Variants in TBC1D2 observed in about 807,000 individuals in gnomAD.
TBC1D2 encodes the protein TBC1 domain family member 2A.
Under a neutral mutation model 91.1 loss-of-function variants are expected in TBC1D2, and 58 were observed. The ratio of observed to expected loss-of-function variants is 0.64; its 90% CI spans 0.52 to 0.79. The LOEUF (loss-of-function observed/expected upper bound fraction) is 0.79. TBC1D2 is among the 30% of genes least tolerant of loss of function. The pLI, the probability that TBC1D2 is intolerant of heterozygous loss-of-function variation, is 0.00. For synonymous variants in TBC1D2, 482 were observed against 511.5 expected (o/e 0.94, Z 0.78); for missense variants, 1,080 against 1,208.3 (o/e 0.89, Z 1.57).
At chr9:98,203,138 T>C in intron 10 of TBC1D2, 150 bp downstream of exon 10, 1 of 1,231,222 alleles carries the variant, frequency 8.1e-7, no homozygotes, top group Non-Finnish European at 1.1e-6. Context: ...GTTGGGCTTC[T>C]CTTCCATGCA....
intron 5 of TBC1D2, among the ~76,000 whole-genome samples, chr9:98,223,661 T>C (rs1829152527): frequency 6.6e-6 from 1 of 152,178 alleles, no homozygotes; most frequent in South Asian, 2.1e-4. Context: ...CTCTGAAGCT[T>C]ATTTCATTAC....
In TBC1D2 at chr9:98,255,570, G is replaced by A; in HGVS notation, c.-29C>T. ...TGCCAGCCGGAGACTGCGGAGGGACGAGGGGTCCGCGGGACCACCAGGGAC... is the reference window on the plus strand; with the variant it reads ...TGCCAGCCGGAGACTGCGGAGGGACAAGGGGTCCGCGGGACCACCAGGGAC... On this transcript the variant is annotated 5_prime_UTR_variant, in exon 1 of 13. Coordinates refer to ENST00000465784, the MANE Select transcript of TBC1D2 (RefSeq NM_001267571.2). 3 of 1,481,572 alleles carry A rather than the reference G, an allele frequency of 2.0e-6. No individual in the cohort carries two copies. The highest frequency in any genetic ancestry group is 2.4e-5 in the Admixed American group (1 of 40,856). 91.8% of individuals were successfully genotyped at this position (1,481,572 alleles called of 1,614,324 possible).
At chr9:98,248,450 G>A (rs934234154) in intron 2 of TBC1D2, among the ~76,000 whole-genome samples, 4 of 152,240 alleles carry the variant, frequency 2.6e-5, no homozygotes, top group Non-Finnish European at 5.9e-5. Flanking sequence ...CCCACCACCA[G>A]TGGGAAGAAG....
intron 1 of TBC1D2, among the ~76,000 whole-genome samples, chr9:98,253,557 C>G (rs1254582963): frequency 6.6e-6 from 1 of 152,204 alleles, no homozygotes; most frequent in Non-Finnish European, 1.5e-5. Flanking sequence ...CTTTGGGCCC[C>G]TCTGTTTTTC....
intron 1 of TBC1D2, among the ~76,000 whole-genome samples, chr9:98,253,102 G>A (rs1004719032): frequency 1.3e-5 from 2 of 152,112 alleles, no homozygotes; most frequent in Admixed American, 6.5e-5. Context: ...ATTTGACAAG[G>A]GTATACTGAG....
At position 98,210,747 on chromosome 9, in the gene TBC1D2, A is replaced by T; in HGVS notation, c.1582T>A (p.Cys528Ser). The T allele has an allele frequency of 6.3e-7, 1 of 1,579,276 alleles. No individual in the cohort carries two copies. The highest frequency in any genetic ancestry group is 8.6e-7 in the Non-Finnish European group (1 of 1,162,420). Residue 528 changes from cysteine to serine, a missense_variant, in exon 8 of 13, where the codon TGC becomes AGC. Transcript: ENST00000465784. ...QEALGDEASECSELLRQLVQE... is the reference protein window; with the variant it reads ...QEALGDEASESSELLRQLVQE... ...ACAAGCTGCCTCAGCAGCTCTGAGCACTCGCTGGCTTCGTCCCCCAGGGCC... is the reference window on the plus strand; with the variant it reads ...ACAAGCTGCCTCAGCAGCTCTGAGCTCTCGCTGGCTTCGTCCCCCAGGGCC...
Position 98,208,706 on chromosome 9 carries a change from C to T in TBC1D2, c.2112G>A (p.Trp704Ter), listed in dbSNP as rs1286810673. 11 of 1,541,310 alleles carry T rather than the reference C, an allele frequency of 7.1e-6. No individual in the cohort carries two copies. The highest frequency in any genetic ancestry group is 8.8e-6 in the Non-Finnish European group (10 of 1,140,574). Residue 704 changes from tryptophan to a stop codon, truncating the protein, a stop_gained, in exon 9 of 13, where the codon TGG (tryptophan) becomes TGA (stop). Transcript: ENST00000465784. LOFTEE classifies it high-confidence loss of function. ...KLRRVLLAFS[W>*]QNPTIGYCQG... is the part of the protein sequence containing the mutation. ...GGCAGTAGCCGATGGTGGGGTTCTG[C>T]CAGGAGAAGGCCAGCAGCACCCGGC...
intron 4 of TBC1D2, among the ~76,000 whole-genome samples, chr9:98,229,615 CA>C (rs1464913832): frequency 6.6e-6 from 1 of 152,240 alleles, no homozygotes; most frequent in Non-Finnish European, 1.5e-5. Context: ...GATAGGAACA[CA>C]AAATGAATGT....
In TBC1D2 at chr9:98,255,216, C is replaced by T. The variant is rs1045413412; in HGVS notation, c.326G>A (p.Gly109Glu). 6.2e-7 allele frequency: 1 copy of T among 1,612,410 alleles called. No individual in the cohort carries two copies. The highest frequency in any genetic ancestry group is 8.5e-7 in the Non-Finnish European group (1 of 1,178,860). Residue 109 changes from glycine to glutamate, a missense_variant, in exon 1 of 13, where the codon GGG (glycine) becomes GAG (glutamate). Coordinates refer to ENST00000465784, the MANE Select transcript of TBC1D2 (RefSeq NM_001267571.2). ...VFDCKADAEE[G>E]IFEIKTPSRV... is the part of the protein sequence containing the mutation. The stretch of plus-strand genomic sequence containing the variant: ...GCTGGGAGTCTTGATTTCGAAGATC[C>T]CCTCCTCAGCGTCCGCCTTACAGTC...
intron 12 of TBC1D2, 58 bp downstream of exon 12, chr9:98,200,195 C>T: frequency 6.2e-7 from 1 of 1,604,162 alleles, no homozygotes; most frequent in Non-Finnish European, 8.5e-7. Flanking sequence ...CTCCCCTCTG[C>T]TATGTGTCCT....
chr9:98,244,596 T>C (rs184021264), intron 2 of TBC1D2, among the ~76,000 whole-genome samples: 1,422 of 140,774 alleles, frequency 0.01, 39 homozygotes, highest in Admixed American at 0.073. Flanking sequence ...GTGGCGGAGG[T>C]TGCAGTGGGC....
In TBC1D2 at chr9:98,236,126, G is replaced by C. The variant is rs1829498410; in HGVS notation, c.648-2577C>G. On this transcript the variant is annotated intron_variant, in intron 3 of 12. Transcript: ENST00000465784. ...ATCTTACACATACTTGTCTTAAACT[G>C]TATAGAGCTTTTTAAAATTTTATTT... 3.3e-5 allele frequency among the ~76,000 whole-genome samples: 5 copies of C among 151,886 alleles called. No homozygotes were observed. In the South Asian group the frequency reaches 1.0e-3, roughly 32 times the overall value.
At chr9:98,227,709 G>A (rs1829266414) in intron 5 of TBC1D2, among the ~76,000 whole-genome samples, 1 of 151,788 alleles carries the variant, frequency 6.6e-6, no homozygotes, top group African/African-American at 2.4e-5. Flanking sequence ...TTGAACCCGG[G>A]AGGCAGAGGT....
intron 2 of TBC1D2, among the ~76,000 whole-genome samples, chr9:98,247,477 C>T (rs1829789043): frequency 6.6e-6 from 1 of 151,930 alleles, no homozygotes; most frequent in African/African-American, 2.4e-5. Context: ...GCCTGTAATC[C>T]CAGCACTTTG....
chr9:98,254,232 A>G (rs564208856), intron 1 of TBC1D2, among the ~76,000 whole-genome samples: 1 of 152,288 alleles, frequency 6.6e-6, no homozygotes, highest in East Asian at 1.9e-4. Context: ...ATGCCCATAG[A>G]ACACTTAGCC....
intron 3 of TBC1D2, among the ~76,000 whole-genome samples, chr9:98,241,928 A>G (rs1185755564): frequency 6.6e-6 from 1 of 152,180 alleles, no homozygotes. Flanking sequence ...TCCAGCCAGC[A>G]GACCCCAAAG....
At position 98,201,653 on chromosome 9, in the gene TBC1D2, C is replaced by G. The variant is rs1828507406; in HGVS notation, c.2283G>C (p.Arg761=). The G allele has an allele frequency of 6.2e-7, 1 of 1,611,400 alleles. No individual in the cohort carries two copies. The highest frequency in any genetic ancestry group is 8.5e-7 in the Non-Finnish European group (1 of 1,178,478). Residue 761 remains arginine (R), a synonymous_variant, in exon 11 of 13, where the codon CGG becomes CGC. Transcript: ENST00000465784. Reference sequence around the variant, plus strand: ...TCTCCGAGAGCAGGTCCTGGAGCACCCGCTGGTCCACCTGGAAGCCAGCGA... The same window carrying G: ...TCTCCGAGAGCAGGTCCTGGAGCACGCGCTGGTCCACCTGGAAGCCAGCGA... ...NTLTASQVDQ[R]VLQDLLSEKL...
rs564222214 is a variant in TBC1D2, at chr9:98,221,937, C to T, written c.979-709G>A. Among the ~76,000 whole-genome samples the T allele has an allele frequency of 3.9e-5, 6 of 152,064 alleles. No individual in the cohort carries two copies. In the South Asian group the frequency reaches 8.3e-4, roughly 21 times the overall value. On this transcript the variant is annotated intron_variant, in intron 5 of 12. Transcript: ENST00000465784. ...TAGAGAAGGGGTTTTGCCATGTTGC[C>T]GGGCTGGTCTCAAACTCCTGGACTC...
chr9:98,210,320 C>G (rs1209093904), intron 8 of TBC1D2, among the ~76,000 whole-genome samples: 2 of 152,168 alleles, frequency 1.3e-5, no homozygotes, highest in Non-Finnish European at 2.9e-5. Context: ...CTCAGCAAGG[C>G]CTTGGTGCAG....
Sources: allele counts gnomAD v4.1 joint callset (sites outside exome capture counted in the v4.1 genomes callset), GRCh38; gene constraint gnomAD v4.1.1; transcripts MANE v1.5; gene names NCBI Gene and HGNC (gene_info 2026-07-23, HGNC 2026-07-21).